The following ESS2 variants were observed in gnomAD, a reference collection of about 807,000 sequenced individuals.
The protein encoded by ESS2 is ess-2 spliceosome associated protein.
A neutral mutation model predicts 52.0 loss-of-function variants in ESS2; 31 were observed. The ratio of observed to expected loss-of-function variants is 0.60; its 90% CI spans 0.45 to 0.81. The LOEUF (loss-of-function observed/expected upper bound fraction) is 0.81. Ranked by LOEUF, ESS2 falls within the 30% of genes least tolerant of loss-of-function variation. ESS2 has a pLI of 0.00. For synonymous variants in ESS2, 285 were observed against 259.2 expected (o/e 1.10, Z -0.95); for missense variants, 602 against 637.2 (o/e 0.94, Z 0.59).
intron 7 of ESS2, 182 bp from the exon 8 acceptor site, chr22:19,137,614 C>A: frequency 1.6e-6 from 1 of 638,454 alleles, no homozygotes; most frequent in Non-Finnish European, 1.9e-6. Context: ...AAATGCCAAG[C>A]TCCCAGCAGG....
intron 3 of ESS2, among the ~76,000 whole-genome samples, chr22:19,141,756 G>A (rs117727870): frequency 0.011 from 1,722 of 152,320 alleles, 9 homozygotes; most frequent in Non-Finnish European, 0.017. Context: ...GGGGGGCCGA[G>A]GCAGACAGAT....
At chr22:19,143,610 C>T (rs1051177042) in intron 1 of ESS2, among the ~76,000 whole-genome samples, 6 of 152,204 alleles carry the variant, frequency 3.9e-5, no homozygotes, top group Admixed American at 3.3e-4. Context: ...AATCCCAGCA[C>T]TTTGAGAGGC....
In ESS2 at chr22:19,139,360, G is replaced by A. The variant is rs999871630; in HGVS notation, c.689-68C>T. 24 of 1,499,852 alleles carry A rather than the reference G, an allele frequency of 1.6e-5. No individual in the cohort carries two copies. Among genetic ancestry groups the A allele is most frequent in the South Asian group, 2.6e-5 (2 of 75,486 alleles). 92.9% of individuals were successfully genotyped at this position (1,499,852 alleles called of 1,614,324 possible). On this transcript the variant is annotated intron_variant, in intron 5 of 9. Coordinates refer to ENST00000252137, the MANE Select transcript of ESS2 (RefSeq NM_022719.3). ...GCAGCCTAAGGAGCATGAGGAGCTC[G>A]CTTCTCGGCCAAGTCACTCCCAGAT...
chr22:19,134,107 G>C lies in ESS2; in HGVS notation c.*89C>G, dbSNP rs564220964. On this transcript the variant is annotated 3_prime_UTR_variant, in exon 10 of 10. Coordinates refer to ENST00000252137, the MANE Select transcript of ESS2 (RefSeq NM_022719.3). ...GGTCAACAGCTTCTGGCCCAGGCCT[G>C]GGCCCCGAGAAGGCTGGAGTCCTCT... 18 of 1,376,568 alleles carry C rather than the reference G, an allele frequency of 1.3e-5. No individual in the cohort carries two copies. The highest frequency in any genetic ancestry group is 1.5e-5 in the African/African-American group (1 of 67,472). 85.3% of individuals were successfully genotyped at this position (1,376,568 alleles called of 1,614,324 possible). A position where few individuals can be genotyped will look rare whatever the true frequency, so the allele number is the denominator to read the frequency against.
In ESS2 at chr22:19,134,472, G is replaced by T. The variant is rs1180714265; in HGVS notation, c.1155C>A (p.Leu385=). ...TGGCTGGGCTCAGGCCTTTGGGGGT[G>T]AGGCTGGGGTGGAGGAATGGGTGAG... ...LRRVTENLAS[L]TPKGLSPAMS... Residue 385 remains leucine (L), a synonymous_variant, in exon 10 of 10, where the codon CTC becomes CTA. Transcript: ENST00000252137. 2 of 1,555,890 alleles carry T rather than the reference G, an allele frequency of 1.3e-6. No individual in the cohort carries two copies.
rs1423084735 is a variant in ESS2, at chr22:19,131,209, C to T, written c.*2987G>A. 1 of 590,156 alleles carries T rather than the reference C, an allele frequency of 1.7e-6. No homozygotes were observed. Among genetic ancestry groups the T allele is most frequent in the Non-Finnish European group, 3.0e-6 (1 of 332,470 alleles). 36.6% of individuals were successfully genotyped at this position (590,156 alleles called of 1,614,324 possible). A position where few individuals can be genotyped will look rare whatever the true frequency, so the allele number is the denominator to read the frequency against. On this transcript the variant is annotated 3_prime_UTR_variant, in exon 10 of 10. Transcript: ENST00000252137. This position sits in a 1 kb window ranked among gnomAD's most constrained non-coding sequence, Gnocchi z 5.7. The stretch of plus-strand genomic sequence containing the variant: ...GTTCTCCCTCAGCCCAGTCCCCGCC[C>T]CCACTCCTTGGCTTTATGAGTTCAT...
chr22:19,137,915 A>G (rs942990743), intron 7 of ESS2: 2 of 985,126 alleles, frequency 2.0e-6, no homozygotes, highest in Non-Finnish European at 2.4e-6. Flanking sequence ...GTAGACTTAG[A>G]CTCATAAGCA....
chr22:19,144,515 C>T lies in ESS2; in HGVS notation c.126G>A (p.Glu42=), dbSNP rs2083750919. Residue 42 remains glutamate (E), a synonymous_variant, in exon 1 of 10, where the codon GAG becomes GAA. Transcript: ENST00000252137. ...CGCACCGAGGTCGTACCTCGATATA[C>T]TCTTCCTCGTCCAGGACCCGCTGCT... ...TSKQRVLDEE[E]YIEGLQTVIQ... 1 of 1,611,178 alleles carries T rather than the reference C, an allele frequency of 6.2e-7. No homozygotes were observed.
intron 6 of ESS2, chr22:19,138,580 C>T (rs959673028): frequency 5.1e-6 from 3 of 591,250 alleles, no homozygotes; most frequent in South Asian, 3.9e-5. Context: ...GGCCTCCACT[C>T]GAGCTGCGCC....
chr22:19,144,456 G>A (rs2083749510), intron 1 of ESS2, 50 bp downstream of exon 1: 2 of 1,609,706 alleles, frequency 1.2e-6, no homozygotes, highest in African/African-American at 2.7e-5. Flanking sequence ...AGAGGAGCTT[G>A]AAGCAGAGGA....
rs776994811 is a variant in ESS2, at chr22:19,131,696, C to G, written c.*2500G>C. ...AGCTTGGCGTCCAGGGCGACCTCCT[C>G]GAGTTCATCAAGTGCCAGGGAGCCC... On this transcript the variant is annotated 3_prime_UTR_variant, in exon 10 of 10. Transcript: ENST00000252137. The surrounding 1 kb of genome is among the most constrained non-coding windows in gnomAD (Gnocchi z 5.7). 6.2e-7 allele frequency: 1 copy of G among 1,614,064 alleles called. No homozygotes were observed. Among genetic ancestry groups the G allele is most frequent in the Middle Eastern group, 1.6e-4 (1 of 6,062 alleles).
intron 8 of ESS2, 84 bp from the exon 9 acceptor site, chr22:19,135,259 G>A: frequency 9.1e-7 from 1 of 1,093,988 alleles, no homozygotes; most frequent in South Asian, 1.4e-5. Flanking sequence ...ACTGTGGTGG[G>A]TGCCAGCCTC....
Position 19,139,232 on chromosome 22 carries a change from C to T in ESS2, c.749G>A (p.Arg250His), listed in dbSNP as rs140756028. ...KPRQVVHKNT[R>H]FLRDPFSQAL... ...TTGGCTGAAGGGGTCCCTAAGGAAG[C>T]GCGTGTTCTTATGTACCACCTGCCG... The change falls in exon 6 of 10, where the codon CGC becomes CAC. Residue 250 changes from arginine to histidine, a missense_variant. Arg to His is a conservative substitution (Grantham distance 29). Transcript: ENST00000252137. The T allele has an allele frequency of 1.5e-4, 245 of 1,608,768 alleles. No homozygotes were observed. The highest frequency in any genetic ancestry group is 1.9e-4 in the Non-Finnish European group (227 of 1,177,474).
Position 19,132,532 on chromosome 22 carries a change from G to A in ESS2, c.*1664C>T. The A allele has an allele frequency of 6.6e-7, 1 of 1,522,890 alleles. No homozygotes were observed. The highest frequency in any genetic ancestry group is 1.4e-5 in the African/African-American group (1 of 72,496). The allele number at this position is 1,522,890 out of a possible 1,614,324, so 94.3% of individuals were successfully genotyped here. Reference sequence around the variant, plus strand: ...GGTCGGGGTTGGGGGGCATGGTGCAGTCGGCCTTCACGTAAACTAAGTAGG... The same window carrying A: ...GGTCGGGGTTGGGGGGCATGGTGCAATCGGCCTTCACGTAAACTAAGTAGG... On this transcript the variant is annotated 3_prime_UTR_variant, in exon 10 of 10. Coordinates refer to ENST00000252137, the MANE Select transcript of ESS2 (RefSeq NM_022719.3). This position sits in a 1 kb window ranked among gnomAD's most constrained non-coding sequence, Gnocchi z 4.2.
chr22:19,132,684 C>T lies in ESS2; in HGVS notation c.*1512G>A. 1 of 595,954 alleles carries T rather than the reference C, an allele frequency of 1.7e-6. No homozygotes were observed. Among genetic ancestry groups the T allele is most frequent in the East Asian group, 2.9e-5 (1 of 34,354 alleles). 36.9% of individuals were successfully genotyped at this position (595,954 alleles called of 1,614,324 possible). ...GTTCCTTACTGACCACCAAATAAACCACAGGGTGTGTGCAAGCATCAAGAG... is the reference window on the plus strand; with the variant it reads ...GTTCCTTACTGACCACCAAATAAACTACAGGGTGTGTGCAAGCATCAAGAG... On this transcript the variant is annotated 3_prime_UTR_variant, in exon 10 of 10. Transcript: ENST00000252137. This position sits in a 1 kb window ranked among gnomAD's most constrained non-coding sequence, Gnocchi z 4.2.
Position 19,134,143 on chromosome 22 carries a change from C to T in ESS2, c.*53G>A. On this transcript the variant is annotated 3_prime_UTR_variant, in exon 10 of 10. Transcript: ENST00000252137. The stretch of plus-strand genomic sequence containing the variant: ...AGGCTGGAGTCCTCTGCTGGGTGTA[C>T]AGCTGCCCTGCAGGCTCTGTGAAGC... The T allele has an allele frequency of 6.8e-7, 1 of 1,465,706 alleles. No homozygotes were observed. The allele number at this position is 1,465,706 out of a possible 1,614,324, so 90.8% of individuals were successfully genotyped here.
rs138203655 is a variant in ESS2 at position 19,139,110 on chromosome 22, C to T, written c.822+49G>A. The T allele has an allele frequency of 5.2e-4, 799 of 1,543,632 alleles. 6 individuals carry two copies. In the African/African-American group the frequency reaches 9.6e-3, roughly 19 times the overall value. On this transcript the variant is annotated intron_variant, in intron 6 of 9. Transcript: ENST00000252137. ...GGGAGAGATCATGCCTGCCCCCAGG[C>T]AGCCCTGTCCAACCTGGCCCATGCG...
rs751462071 is a variant in ESS2 at position 19,140,038 on chromosome 22, G to A, written c.401-14C>T. 8 of 1,612,658 alleles carry A rather than the reference G, an allele frequency of 5.0e-6. No individual in the cohort carries two copies. In the East Asian group the frequency reaches 1.6e-4, roughly 31 times the overall value. Reference sequence around the variant, plus strand: ...CTCCAGCCTCTCCTGCTTAGGGGTTGCGGGAGGAGGAACACAGCACCCTTT... The same window carrying A: ...CTCCAGCCTCTCCTGCTTAGGGGTTACGGGAGGAGGAACACAGCACCCTTT... On this transcript the variant is annotated splice_polypyrimidine_tract_variant and intron_variant, in intron 3 of 9. Transcript: ENST00000252137.
rs1266277108 is a variant in ESS2, at chr22:19,133,973, C to T, written c.*223G>A. On this transcript the variant is annotated 3_prime_UTR_variant, in exon 10 of 10. Transcript: ENST00000252137. ...TGTTCTTTAATGACAGTTCAAGGGG[C>T]CAATTAAACAGCAAACAGCTTGGCA... 5 of 439,210 alleles carry T rather than the reference C, an allele frequency of 1.1e-5. No homozygotes were observed. Among genetic ancestry groups the T allele is most frequent in the Non-Finnish European group, 1.9e-5 (5 of 261,038 alleles). 27.2% of individuals were successfully genotyped at this position (439,210 alleles called of 1,614,324 possible). A position where few individuals can be genotyped will look rare whatever the true frequency, so the allele number is the denominator to read the frequency against.
Sources: gnomAD v4.1 joint callset for allele counts (sites outside exome capture counted in the v4.1 genomes callset) on GRCh38, gnomAD v4.1.1 for gene constraint, Gnocchi (gnomAD v3.1) non-coding constraint, MANE v1.5 for transcripts, NCBI Gene and HGNC (gene_info 2026-07-23, HGNC 2026-07-21) for gene names.